The following STARD13 variants were observed in gnomAD, a reference collection of about 807,000 sequenced individuals.
The protein encoded by STARD13 is StAR related lipid transfer domain containing 13.
In STARD13, 62 loss-of-function variants were observed where a neutral mutation model predicts 106.4. The observed-to-expected ratio is 0.58, with a 90% confidence interval of 0.48 to 0.72. The LOEUF (loss-of-function observed/expected upper bound fraction) is 0.72, where lower values mean the gene tolerates loss of function less well. Among genes scored for constraint, STARD13 ranks in the 30% least tolerant of loss-of-function variants. The pLI, the probability that STARD13 is intolerant of heterozygous loss-of-function variation, is 0.00. For synonymous variants in STARD13, 565 were observed against 553.0 expected (o/e 1.02, Z -0.31); for missense variants, 1,387 against 1,424.0 (o/e 0.97, Z 0.42).
At chr13:33,278,192 T>C (rs1178468844) in intron 1 of STARD13, among the ~76,000 whole-genome samples, 1 of 152,314 alleles carries the variant, frequency 6.6e-6, no homozygotes, top group Non-Finnish European at 1.5e-5. Context: ...GTTAAACTAC[T>C]TTGTGCAAGA....
chr13:33,325,841 C>T (rs1047943983), intron 1 of STARD13, among the ~76,000 whole-genome samples: 2 of 151,968 alleles, frequency 1.3e-5, no homozygotes, highest in Non-Finnish European at 2.9e-5. Context: ...AAAAATTAGC[C>T]GGGCATGGTG....
At chr13:33,267,711 G>T (rs534668887) in intron 1 of STARD13, among the ~76,000 whole-genome samples, 2 of 152,328 alleles carry the variant, frequency 1.3e-5, no homozygotes, top group East Asian at 3.9e-4. Context: ...TACAACAAAT[G>T]CAAGATCCAA....
At chr13:33,345,644 G>T (rs2078009610), downstream of STARD13, among the ~76,000 whole-genome samples, 1 of 152,160 alleles carries the variant, frequency 6.6e-6, no homozygotes, top group Non-Finnish European at 1.5e-5. Context: ...CCACAATCTA[G>T]TGGAAATTTA....
At chr13:33,314,473 T>G (rs898096483) in intron 1 of STARD13, among the ~76,000 whole-genome samples, 1 of 152,202 alleles carries the variant, frequency 6.6e-6, no homozygotes, top group Non-Finnish European at 1.5e-5. Context: ...TAAGGGATTA[T>G]AGCAGAAGGC....
At chr13:33,433,730 T>C in the STARD13 span, among the ~76,000 whole-genome samples, 1 of 152,286 alleles carries the variant, frequency 6.6e-6, no homozygotes, top group Admixed American at 6.5e-5. Flanking sequence ...AAATAATGCT[T>C]CCTTGATTTT....
the STARD13 span, among the ~76,000 whole-genome samples, chr13:33,362,973 T>C: frequency 4.4e-3 from 669 of 152,326 alleles, 2 homozygotes; most frequent in Non-Finnish European, 6.1e-3. Flanking sequence ...TTATCAATCC[T>C]AGAAGAGTCT....
chr13:33,392,647 G>A, the STARD13 span, among the ~76,000 whole-genome samples: 3 of 152,104 alleles, frequency 2.0e-5, no homozygotes, highest in Non-Finnish European at 4.4e-5. Flanking sequence ...TGATCTGCCC[G>A]CCTCAGCCTC....
At chr13:33,396,015 A>T in the STARD13 span, among the ~76,000 whole-genome samples, 3 of 150,284 alleles carry the variant, frequency 2.0e-5, no homozygotes, top group Non-Finnish European at 4.4e-5. Flanking sequence ...CTAATTTTTT[A>T]TTTTTAAATT....
chr13:33,418,555 C>T, the STARD13 span, among the ~76,000 whole-genome samples: 2 of 152,232 alleles, frequency 1.3e-5, no homozygotes, highest in Non-Finnish European at 2.9e-5. Context: ...CAGGCTTAAA[C>T]GTCCCTGTCT....
chr13:33,602,269 T>C, the STARD13 span, among the ~76,000 whole-genome samples: 1 of 152,082 alleles, frequency 6.6e-6, no homozygotes, highest in Non-Finnish European at 1.5e-5. Flanking sequence ...TTTTTTGTAT[T>C]GTTAGTAGAG....
the STARD13 span, among the ~76,000 whole-genome samples, chr13:33,528,212 A>ATGTG: frequency 7.0e-3 from 884 of 126,062 alleles, 34 homozygotes; most frequent in African/African-American, 0.032. Context: ...ATACAGATAC[A>ATGTG]TGTGTGTGTG....
the STARD13 span, among the ~76,000 whole-genome samples, chr13:33,481,024 T>C: frequency 6.6e-6 from 1 of 152,024 alleles, no homozygotes; most frequent in Non-Finnish European, 1.5e-5. Flanking sequence ...GCTTAAAGCA[T>C]ATCAAATATG....
chr13:33,264,400 C>T (rs1168092531), intron 1 of STARD13, among the ~76,000 whole-genome samples: 2 of 152,168 alleles, frequency 1.3e-5, no homozygotes, highest in African/African-American at 4.8e-5. Context: ...CAATGTGCTC[C>T]CTGAGGAACT....
intron 4 of STARD13, among the ~76,000 whole-genome samples, chr13:33,131,547 C>A (rs1470287159): frequency 6.6e-6 from 1 of 152,042 alleles, no homozygotes; most frequent in Non-Finnish European, 1.5e-5. Context: ...GGCACCACTG[C>A]ACCCCAGCCG....
At chr13:33,197,669 C>T (rs1332934602) in intron 1 of STARD13, among the ~76,000 whole-genome samples, 1 of 152,204 alleles carries the variant, frequency 6.6e-6, no homozygotes, top group Non-Finnish European at 1.5e-5. Flanking sequence ...CTAATGTATG[C>T]TTGCCTAACG....
chr13:33,594,868 C>T, the STARD13 span, among the ~76,000 whole-genome samples: 1 of 152,156 alleles, frequency 6.6e-6, no homozygotes, highest in South Asian at 2.1e-4. Flanking sequence ...CTGAATAATA[C>T]TTGACTGTAT....
chr13:33,439,623 G>T, the STARD13 span: 1 of 770,288 alleles, frequency 1.3e-6, no homozygotes, highest in African/African-American at 1.8e-5. Flanking sequence ...AAATTTATAG[G>T]GATGAGGCAA....
At chr13:33,635,555 G>A in the STARD13 span, among the ~76,000 whole-genome samples, 1 of 152,012 alleles carries the variant, frequency 6.6e-6, no homozygotes, top group African/African-American at 2.4e-5. Flanking sequence ...AGCTACTCGG[G>A]AGGCTGAGGC....
chr13:33,244,157 A>G (rs1174758045), intron 1 of STARD13, among the ~76,000 whole-genome samples: 2 of 151,840 alleles, frequency 1.3e-5, no homozygotes, highest in Non-Finnish European at 2.9e-5. Flanking sequence ...GTCAACTTGT[A>G]CCTTCATCTG....
Sources: allele counts gnomAD v4.1 joint callset (sites outside exome capture counted in the v4.1 genomes callset), GRCh38; gene constraint gnomAD v4.1.1; transcripts MANE v1.5; gene names NCBI Gene and HGNC (gene_info 2026-07-23, HGNC 2026-07-21).